PPFIA1: variants seen among roughly 807,000 people sequenced by gnomAD.
The protein encoded by PPFIA1 is PPFI scaffold protein A1, also known as liprin-alpha-1.
PPFIA1 carries 25 observed loss-of-function variants against 149.9 expected under a neutral mutation model. The observed-to-expected ratio is 0.17, with a 90% CI of 0.12 to 0.23. The LOEUF is 0.23. Among genes scored for constraint, PPFIA1 ranks in the 10% least tolerant of loss-of-function variants. The pLI, the probability that PPFIA1 is intolerant of heterozygous loss-of-function variation, is 1.00. For synonymous variants in PPFIA1, 549 were observed against 552.8 expected (o/e 0.99, Z 0.10); for missense variants, 1,362 against 1,506.5 (o/e 0.90, Z 1.59).
At chr11:70,358,482 C>A (rs192003334) in intron 19 of PPFIA1, 1 of 152,298 alleles carries the variant, frequency 6.6e-6, no homozygotes, top group East Asian at 1.9e-4. Context: ...CTCGGCCTCC[C>A]AAAGTGTTGG....
intron 16 of PPFIA1, among the ~76,000 whole-genome samples, chr11:70,351,251 C>G (rs766276194): frequency 2.6e-5 from 4 of 152,222 alleles, no homozygotes; most frequent in Non-Finnish European, 5.9e-5. Context: ...GCTTGCCATT[C>G]TCTCACCTTT....
chr11:70,298,927 A>G (rs1414839399), intron 2 of PPFIA1, among the ~76,000 whole-genome samples: 1 of 152,134 alleles, frequency 6.6e-6, no homozygotes, highest in Non-Finnish European at 1.5e-5. Context: ...CAATTTTACC[A>G]TGCCTTTTTA....
chr11:70,342,680 C>T (rs2137111892), intron 14 of PPFIA1, among the ~76,000 whole-genome samples: 1 of 152,256 alleles, frequency 6.6e-6, no homozygotes, highest in Non-Finnish European at 1.5e-5. Context: ...TTTACGGCAA[C>T]TGAGTGAACT....
In PPFIA1 at chr11:70,338,431, A is replaced by C. The variant is rs772581748; in HGVS notation, c.1549A>C (p.Arg517=). 1.9e-6 allele frequency: 3 copies of C among 1,612,354 alleles called. No homozygotes were observed. Among genetic ancestry groups the C allele is most frequent in the Admixed American group, 3.3e-5 (2 of 59,998 alleles). ...LRAELDHMRL[R]GASLHHGRPH... ...GGCTGAACTAGACCACATGAGACTA[A>C]GAGGTGCTTCACTTCATCATGGGTA... Residue 517 remains arginine, a synonymous_variant, in exon 13 of 28, where the codon AGA becomes CGA. Transcript: ENST00000253925.
chr11:70,366,025 G>C (rs550606765), intron 21 of PPFIA1: 1 of 448,546 alleles, frequency 2.2e-6, no homozygotes, highest in Non-Finnish European at 4.4e-6. Flanking sequence ...AAAGCAATTG[G>C]AGTATGAAAA....
chr11:70,301,948 G>A (rs995427978), intron 2 of PPFIA1, among the ~76,000 whole-genome samples: 1 of 152,236 alleles, frequency 6.6e-6, no homozygotes, highest in African/African-American at 2.4e-5. Flanking sequence ...GTGTGAACAT[G>A]GCTGCTTTGC....
At chr11:70,279,543 A>C (rs532732645) in intron 2 of PPFIA1, among the ~76,000 whole-genome samples, 1 of 146,514 alleles carries the variant, frequency 6.8e-6, no homozygotes, top group African/African-American at 2.5e-5. Flanking sequence ...ACTCATCTTC[A>C]CTCAGAGGGC....
At chr11:70,302,214 A>G (rs1007081645) in intron 2 of PPFIA1, among the ~76,000 whole-genome samples, 2 of 152,188 alleles carry the variant, frequency 1.3e-5, no homozygotes, top group South Asian at 4.1e-4. Flanking sequence ...GATCGTGGGG[A>G]TGGCAGCAGT....
At chr11:70,298,068 T>A (rs2052204057) in intron 2 of PPFIA1, among the ~76,000 whole-genome samples, 1 of 152,238 alleles carries the variant, frequency 6.6e-6, no homozygotes, top group Non-Finnish European at 1.5e-5. Context: ...CTCTCCTCTC[T>A]GCTCTGACTT....
rs544549083 is a variant in PPFIA1 at position 70,348,892 on chromosome 11, A to T, written c.2163+472A>T. Reference sequence around the variant, plus strand: ...TCTCAAAACAAATCCCAAAAAATATAAAAAAAAATTTTAATATTTGGATGA... The same window carrying T: ...TCTCAAAACAAATCCCAAAAAATATTAAAAAAAATTTTAATATTTGGATGA... On this transcript the variant is annotated intron_variant, in intron 16 of 27. Transcript: ENST00000253925. Among the ~76,000 whole-genome samples, 45 of 152,036 alleles carry T rather than the reference A, an allele frequency of 3.0e-4. No homozygotes were observed. The East Asian group carries it at 6.2e-3, about 21-fold the overall frequency.
In PPFIA1 at chr11:70,308,823, C is replaced by T. The variant is rs79999159; in HGVS notation, c.265-15579C>T. On this transcript the variant is annotated intron_variant, in intron 2 of 27. Coordinates refer to ENST00000253925, the MANE Select transcript of PPFIA1 (RefSeq NM_003626.5). ...GAACATTGTGGTGCACGTCTGTAGT[C>T]CTAGCTACTTGGGAGGCTGAACCTA... Among the ~76,000 whole-genome samples the T allele has an allele frequency of 2.7e-3, 417 of 152,222 alleles. 3 individuals are homozygous for T. Among genetic ancestry groups the T allele is most frequent in the African/African-American group, 9.5e-3 (395 of 41,536 alleles).
At chr11:70,336,754 C>T (rs2055004576) in intron 11 of PPFIA1, among the ~76,000 whole-genome samples, 1 of 152,196 alleles carries the variant, frequency 6.6e-6, no homozygotes, top group Admixed American at 6.5e-5. Context: ...TAATGGGCAG[C>T]AGCTGGATTC....
intron 2 of PPFIA1, among the ~76,000 whole-genome samples, chr11:70,286,007 A>G (rs1399186954): frequency 6.6e-6 from 1 of 152,148 alleles, no homozygotes; most frequent in African/African-American, 2.4e-5. Context: ...AGCACTTTCC[A>G]CTTTTCGTTG....
chr11:70,331,822 C>T, intron 8 of PPFIA1, 138 bp from the exon 9 acceptor site: 1 of 962,554 alleles, frequency 1.0e-6, no homozygotes, highest in Non-Finnish European at 1.4e-6. Context: ...AAACCTGACC[C>T]AGAAGCAACT....
At chr11:70,365,869 C>CA in intron 21 of PPFIA1, 1 of 446,796 alleles carries the variant, frequency 2.2e-6, no homozygotes, top group South Asian at 1.6e-5. Context: ...TGCAGAGTTG[C>CA]GTTGCCTGCA....
intron 16 of PPFIA1, chr11:70,350,063 C>T (rs1170349493): frequency 7.4e-6 from 3 of 405,334 alleles, no homozygotes; most frequent in African/African-American, 4.2e-5. Flanking sequence ...TGTGTGTGTT[C>T]GATCATGTTT....
chr11:70,275,888 G>C (rs1184118011), intron 2 of PPFIA1, among the ~76,000 whole-genome samples: 1 of 152,138 alleles, frequency 6.6e-6, no homozygotes, highest in Admixed American at 6.6e-5. Flanking sequence ...GGTGTCAAGC[G>C]ATCCTCTCAC....
chr11:70,298,782 C>G (rs1437765924), intron 2 of PPFIA1, among the ~76,000 whole-genome samples: 1 of 152,116 alleles, frequency 6.6e-6, no homozygotes, highest in Non-Finnish European at 1.5e-5. Flanking sequence ...TTCATCTTTA[C>G]GATTCTCTTA....
chr11:70,341,740 C>CTT (rs1464534239), intron 14 of PPFIA1: 3 of 153,882 alleles, frequency 1.9e-5, no homozygotes, highest in African/African-American at 7.2e-5. Context: ...TGCTCCAAGG[C>CTT]CATCGGTGGG....
Sources: gnomAD v4.1 joint callset for allele counts (sites outside exome capture counted in the v4.1 genomes callset) on GRCh38, gnomAD v4.1.1 for gene constraint, MANE v1.5 for transcripts, NCBI Gene and HGNC (gene_info 2026-07-23, HGNC 2026-07-21) for gene names.